The following NUP93 variants were observed in gnomAD, a reference collection of about 807,000 sequenced individuals.
The protein encoded by NUP93 is nuclear pore complex protein Nup93.
In NUP93, 55 loss-of-function variants were observed where a neutral mutation model predicts 107.8. The ratio of observed to expected loss-of-function variants is 0.51; its 90% CI spans 0.41 to 0.64. The LOEUF (loss-of-function observed/expected upper bound fraction) is 0.64. NUP93 is among the 30% of genes least tolerant of loss of function. The pLI, the probability that NUP93 is intolerant of heterozygous loss-of-function variation, is 0.00. For missense variants in NUP93, 937 were observed against 1,044.7 expected, an observed-to-expected ratio of 0.90 and a Z score of 1.42; for synonymous variants, 390 against 397.5, an observed-to-expected ratio of 0.98 and a Z score of 0.22.
intron 8 of NUP93, among the ~76,000 whole-genome samples, chr16:56,826,529 AAAAC>A (rs1259496221): frequency 6.6e-6 from 1 of 152,024 alleles, no homozygotes; most frequent in Non-Finnish European, 1.5e-5. Flanking sequence ...AAAAAAAAAA[AAAAC>A]AACTTCCAAT....
At chr16:56,778,981 G>A (rs1261299474) in intron 3 of NUP93, among the ~76,000 whole-genome samples, 3 of 152,196 alleles carry the variant, frequency 2.0e-5, no homozygotes, top group South Asian at 2.1e-4. Flanking sequence ...TAGTGGTGGG[G>A]TGGAAAGGGA....
At chr16:56,783,813 A>G (rs1258502114) in intron 3 of NUP93, 1 of 985,284 alleles carries the variant, frequency 1.0e-6, no homozygotes, top group East Asian at 1.1e-4. Flanking sequence ...ATTGTATAGA[A>G]GAGTTCTTTA....
intron 1 of NUP93, among the ~76,000 whole-genome samples, chr16:56,740,310 G>GAT (rs1961705315): frequency 1.3e-5 from 2 of 149,534 alleles, no homozygotes; most frequent in African/African-American, 4.9e-5. Flanking sequence ...CTTCTCAGAC[G>GAT]GGGCGGCCGG....
intron 3 of NUP93, among the ~76,000 whole-genome samples, chr16:56,778,007 A>G (rs1185949943): frequency 1.3e-5 from 2 of 152,198 alleles, no homozygotes; most frequent in African/African-American, 4.8e-5. Flanking sequence ...ATAAATACAA[A>G]TTCTGGATGC....
chr16:56,826,151 C>A (rs1448626941), intron 8 of NUP93, among the ~76,000 whole-genome samples: 1 of 152,136 alleles, frequency 6.6e-6, no homozygotes, highest in Non-Finnish European at 1.5e-5. Flanking sequence ...TTGGAAGAGA[C>A]CATAGTGGGC....
intron 3 of NUP93, among the ~76,000 whole-genome samples, chr16:56,760,687 C>A (rs1962109196): frequency 6.6e-6 from 1 of 152,168 alleles, no homozygotes; most frequent in Non-Finnish European, 1.5e-5. Flanking sequence ...TCTCATGATC[C>A]AGTCACCTCC....
intron 20 of NUP93, chr16:56,839,910 G>GT: frequency 2.9e-6 from 1 of 349,214 alleles, no homozygotes; most frequent in South Asian, 2.7e-5. Flanking sequence ...TTATCCGCTT[G>GT]TGCTAGAGGG....
chr16:56,755,413 G>A (rs528421866), intron 2 of NUP93, among the ~76,000 whole-genome samples: 3 of 151,686 alleles, frequency 2.0e-5, no homozygotes, highest in African/African-American at 7.3e-5. Context: ...TCCAGAATAG[G>A]CAAATTTATA....
intron 3 of NUP93, among the ~76,000 whole-genome samples, chr16:56,770,138 A>G (rs75266331): frequency 7.8e-4 from 119 of 152,370 alleles, no homozygotes; most frequent in African/African-American, 2.8e-3. Context: ...GCAAACTAAC[A>G]TAACAGAATC....
At position 56,778,441 on chromosome 16, in the gene NUP93, A is replaced by G. The variant is rs377164330; in HGVS notation, c.297+19786A>G. ...ATATTGAGCAGAAAGGAGGGAGGGC[A>G]TGGCAGTACTTATGGAAGTTGGTTT... On this transcript the variant is annotated intron_variant, in intron 3 of 21. Coordinates refer to ENST00000308159, the MANE Select transcript of NUP93 (RefSeq NM_014669.5). 2.0e-4 allele frequency among the ~76,000 whole-genome samples: 30 copies of G among 152,298 alleles called. No homozygotes were observed. The South Asian group carries it at 5.8e-3, about 30-fold the overall frequency.
At chr16:56,774,890 TG>T (rs1213620495) in intron 3 of NUP93, among the ~76,000 whole-genome samples, 1 of 150,330 alleles carries the variant, frequency 6.7e-6, no homozygotes, top group African/African-American at 2.4e-5. Flanking sequence ...AGGTTTTTTT[TG>T]TTTTTGTTTT....
At chr16:56,790,453 G>A (rs1962734915) in intron 3 of NUP93, among the ~76,000 whole-genome samples, 1 of 152,146 alleles carries the variant, frequency 6.6e-6, no homozygotes. Context: ...ACCACAAAAG[G>A]GAGCTAATGA....
At chr16:56,789,379 A>C (rs1962702043) in intron 3 of NUP93, among the ~76,000 whole-genome samples, 1 of 152,256 alleles carries the variant, frequency 6.6e-6, no homozygotes. Context: ...GTTTTGCCTT[A>C]ATGGACACAA....
At chr16:56,789,350 T>C (rs1423194330) in intron 3 of NUP93, among the ~76,000 whole-genome samples, 1 of 152,224 alleles carries the variant, frequency 6.6e-6, no homozygotes, top group East Asian at 1.9e-4. Flanking sequence ...CCAATTTAAA[T>C]CATGGGGGCA....
intron 18 of NUP93, among the ~76,000 whole-genome samples, chr16:56,838,132 G>A (rs1191332118): frequency 1.3e-5 from 2 of 152,174 alleles, no homozygotes; most frequent in African/African-American, 4.8e-5. Context: ...AGACTACCTG[G>A]ATCCCCAGTG....
chr16:56,765,368 G>T (rs1351899825), intron 3 of NUP93, among the ~76,000 whole-genome samples: 1 of 152,052 alleles, frequency 6.6e-6, no homozygotes, highest in African/African-American at 2.4e-5. Context: ...GTTTTTAGAG[G>T]GATTTAATGG....
intron 2 of NUP93, among the ~76,000 whole-genome samples, chr16:56,757,501 C>T (rs1354368296): frequency 1.3e-5 from 2 of 152,056 alleles, no homozygotes; most frequent in African/African-American, 4.8e-5. Context: ...CTGACCCGAC[C>T]CCACCCCACC....
intron 3 of NUP93, among the ~76,000 whole-genome samples, chr16:56,789,769 GAACA>G (rs1962712654): frequency 6.6e-6 from 1 of 152,238 alleles, no homozygotes; most frequent in African/African-American, 2.4e-5. Context: ...TGCAATCTGT[GAACA>G]AACAATTTAA....
At chr16:56,756,138 A>G (rs1488338481) in intron 2 of NUP93, among the ~76,000 whole-genome samples, 5 of 151,962 alleles carry the variant, frequency 3.3e-5, no homozygotes, top group Non-Finnish European at 5.9e-5. Flanking sequence ...TAATTTTAAA[A>G]TATTTTACTT....
Sources: gnomAD v4.1 joint callset for allele counts (sites outside exome capture counted in the v4.1 genomes callset) on GRCh38, gnomAD v4.1.1 for gene constraint, MANE v1.5 for transcripts, NCBI Gene and HGNC (gene_info 2026-07-23, HGNC 2026-07-21) for gene names.